DLGAP2: variants seen among roughly 807,000 people sequenced by gnomAD.
The protein encoded by DLGAP2 is disks large-associated protein 2.
Under a neutral mutation model 100.3 loss-of-function variants are expected in DLGAP2, and 26 were observed. The ratio of observed to expected loss-of-function variants is 0.26; its 90% CI spans 0.19 to 0.36. The LOEUF (loss-of-function observed/expected upper bound fraction) is 0.36. Among genes scored for constraint, DLGAP2 ranks in the 10% least tolerant of loss-of-function variants. The pLI is 1.00. For synonymous variants in DLGAP2, 886 were observed against 630.1 expected, an observed-to-expected ratio of 1.41 and a Z score of -6.08; for missense variants, 1,858 against 1,453.2, an observed-to-expected ratio of 1.28 and a Z score of -4.53.
rs539654888 is a variant in DLGAP2, at chr8:774,047, G to C, written c.18+36222G>C. On this transcript the variant is annotated intron_variant, in intron 1 of 14. Transcript: ENST00000637795. ...TTTTTAATGATTGCCATTCTAACTG[G>C]TGTGAGATGGTGTCTCATTGTGGTT... 3.8e-3 allele frequency among the ~76,000 whole-genome samples: 586 copies of C among 152,334 alleles called. 4 individuals carry two copies. Among genetic ancestry groups the C allele is most frequent in the African/African-American group, 0.013 (553 of 41,570 alleles).
intron 3 of DLGAP2, among the ~76,000 whole-genome samples, chr8:1,368,071 G>A (rs746559830): frequency 1.3e-5 from 2 of 152,178 alleles, no homozygotes; most frequent in South Asian, 2.1e-4. Context: ...TACCTATCAC[G>A]GCGGCCTCCT....
intron 2 of DLGAP2, among the ~76,000 whole-genome samples, chr8:1,207,253 C>G (rs1798016467): frequency 6.6e-6 from 1 of 152,150 alleles, no homozygotes; most frequent in South Asian, 2.1e-4. Flanking sequence ...CCCCGAGTCC[C>G]CAAAGTCCAT....
chr8:1,106,133 A>AG (rs67283017), intron 2 of DLGAP2, among the ~76,000 whole-genome samples: 32,744 of 92,578 alleles, frequency 0.35, 9,251 homozygotes, highest in Non-Finnish European at 0.43. Context: ...TTTTCTATTG[A>AG]GGGGAGCCAT....
At chr8:1,230,254 C>A (rs1798507550) in intron 2 of DLGAP2, among the ~76,000 whole-genome samples, 1 of 152,154 alleles carries the variant, frequency 6.6e-6, no homozygotes, top group Admixed American at 6.5e-5. Flanking sequence ...AGAACGCTAT[C>A]CTATTCTTAA....
intron 2 of DLGAP2, among the ~76,000 whole-genome samples, chr8:1,146,643 G>A (rs1231945318): frequency 2.0e-5 from 3 of 148,884 alleles, no homozygotes; most frequent in African/African-American, 7.8e-5. Flanking sequence ...GTGTGCATGT[G>A]AGTGTGTGCA....
At chr8:1,602,517 C>T (rs1017669338) in intron 6 of DLGAP2, among the ~76,000 whole-genome samples, 2 of 152,220 alleles carry the variant, frequency 1.3e-5, no homozygotes, top group African/African-American at 2.4e-5. Context: ...CCCGAATCCA[C>T]GGAGGCCGGG....
chr8:1,250,087 G>A (rs1307386315), intron 2 of DLGAP2, among the ~76,000 whole-genome samples: 1 of 152,118 alleles, frequency 6.6e-6, no homozygotes, highest in African/African-American at 2.4e-5. Flanking sequence ...CACCATGTTG[G>A]TCAGGCTGGT....
At chr8:1,545,657 G>C (rs1801510501) in intron 4 of DLGAP2, among the ~76,000 whole-genome samples, 1 of 152,186 alleles carries the variant, frequency 6.6e-6, no homozygotes, top group South Asian at 2.1e-4. Flanking sequence ...TGTTGCCATT[G>C]TTTACAGCAC....
intron 2 of DLGAP2, among the ~76,000 whole-genome samples, chr8:1,095,043 A>T (rs1313145561): frequency 4.0e-5 from 6 of 151,514 alleles, no homozygotes; most frequent in African/African-American, 1.5e-4. Context: ...GCCTGGTGCA[A>T]CAGCCTGCAC....
At chr8:1,441,373 G>C (rs1797828137) in intron 3 of DLGAP2, among the ~76,000 whole-genome samples, 1 of 152,088 alleles carries the variant, frequency 6.6e-6, no homozygotes, top group Non-Finnish European at 1.5e-5. Context: ...GTTTCTGAGA[G>C]CGATCAACCT....
chr8:1,171,602 T>C (rs1378504690), intron 2 of DLGAP2, among the ~76,000 whole-genome samples: 1 of 152,122 alleles, frequency 6.6e-6, no homozygotes, highest in Non-Finnish European at 1.5e-5. Context: ...GATACTTAGC[T>C]CTTCTTGTTG....
chr8:870,828 G>T (rs1452351776), intron 1 of DLGAP2, among the ~76,000 whole-genome samples: 1 of 152,110 alleles, frequency 6.6e-6, no homozygotes, highest in Admixed American at 6.5e-5. Context: ...GCCGGGCCTG[G>T]AGTCTTGGCT....
intron 2 of DLGAP2, among the ~76,000 whole-genome samples, chr8:920,241 C>T (rs891918647): frequency 6.6e-6 from 1 of 152,186 alleles, no homozygotes; most frequent in Non-Finnish European, 1.5e-5. Flanking sequence ...CAGAGGCACC[C>T]CTGCCTGGCA....
intron 3 of DLGAP2, among the ~76,000 whole-genome samples, chr8:1,333,823 C>G (rs1372717857): frequency 1.3e-5 from 2 of 152,370 alleles, no homozygotes; most frequent in Admixed American, 6.5e-5. Flanking sequence ...CCGAACTTAT[C>G]TAGCAGAGCA....
intron 1 of DLGAP2, among the ~76,000 whole-genome samples, chr8:882,316 C>T (rs2004977): frequency 0.086 from 9,472 of 109,902 alleles, 89 homozygotes; most frequent in African/African-American, 0.11. Context: ...CTCCTGCGGG[C>T]ACCCGTGCCT....
Position 1,287,180 on chromosome 8 carries a change from TAGG to T in DLGAP2, c.106+28301_106+28303del, listed in dbSNP as rs370938473. 6.6e-4 allele frequency among the ~76,000 whole-genome samples: 79 copies of T among 120,168 alleles called. 1 individual carries two copies. Among genetic ancestry groups the T allele is most frequent in the Admixed American group, 3.9e-3 (44 of 11,242 alleles). 78.8% of individuals were successfully genotyped at this position (120,168 alleles called of 152,430 possible). A position where few individuals can be genotyped will look rare whatever the true frequency, so the allele number is the denominator to read the frequency against. On this transcript the variant is annotated intron_variant, in intron 3 of 14. Coordinates refer to ENST00000637795, the MANE Select transcript of DLGAP2 (RefSeq NM_001346810.2). ...TGTGCGCGCGCGCGCGTGGTTCTGTTAGGAGGGGAACTAGTTTTGGTTCAGTGT... is the reference window on the plus strand; with the variant it reads ...TGTGCGCGCGCGCGCGTGGTTCTGTTAGGGGAACTAGTTTTGGTTCAGTGT...
At chr8:1,183,800 C>G (rs968218731) in intron 2 of DLGAP2, among the ~76,000 whole-genome samples, 1 of 152,180 alleles carries the variant, frequency 6.6e-6, no homozygotes, top group Non-Finnish European at 1.5e-5. Flanking sequence ...CTGCAGAGTA[C>G]GGAACACCCT....
At chr8:1,202,960 G>T (rs10088716) in intron 2 of DLGAP2, among the ~76,000 whole-genome samples, 2 of 151,864 alleles carry the variant, frequency 1.3e-5, no homozygotes, top group Admixed American at 6.6e-5. Context: ...GAAGCTGAGC[G>T]ACATCACGGT....
At chr8:1,062,584 A>T (rs931462601) in intron 2 of DLGAP2, among the ~76,000 whole-genome samples, 1 of 152,110 alleles carries the variant, frequency 6.6e-6, no homozygotes, top group Non-Finnish European at 1.5e-5. Context: ...AGCTGGTAGC[A>T]CTCAACTAGT....
Sources: gnomAD v4.1 joint callset for allele counts (sites outside exome capture counted in the v4.1 genomes callset) on GRCh38, gnomAD v4.1.1 for gene constraint, MANE v1.5 for transcripts, NCBI Gene and HGNC (gene_info 2026-07-23, HGNC 2026-07-21) for gene names.